Variants in ZFYVE1 observed in about 807,000 individuals in gnomAD.
The protein encoded by ZFYVE1 is zinc finger FYVE domain-containing protein 1.
ZFYVE1 carries 30 observed loss-of-function variants against 74.4 expected under a neutral mutation model. The ratio of observed to expected loss-of-function variants is 0.40; its 90% confidence interval spans 0.30 to 0.55. ZFYVE1 has a LOEUF of 0.55. Ranked by LOEUF, ZFYVE1 falls within the 20% of genes least tolerant of loss-of-function variation. ZFYVE1 has a pLI of 0.42. For missense variants in ZFYVE1, 703 were observed against 1,011.6 expected (o/e 0.69, Z 4.14); for synonymous variants, 335 against 385.1 (o/e 0.87, Z 1.52).
At chr14:72,986,072 T>C (rs1383906385) in intron 4 of ZFYVE1, among the ~76,000 whole-genome samples, 1 of 152,162 alleles carries the variant, frequency 6.6e-6, no homozygotes, top group Non-Finnish European at 1.5e-5. Flanking sequence ...AAATGGGAAA[T>C]TAGGATCCAA....
At chr14:72,982,600 T>C (rs545620843) in intron 4 of ZFYVE1, among the ~76,000 whole-genome samples, 2 of 152,352 alleles carry the variant, frequency 1.3e-5, no homozygotes, top group South Asian at 4.1e-4. Flanking sequence ...ATTGAAAGTA[T>C]TCCTCAGGCT....
rs530377399 is a variant in ZFYVE1, at chr14:73,024,744, TCATCCTCCATA to T, written c.-247_-237del. ...GCAACGTTGATTTGGTTTGATGGTT[TCATCCTCCATA>T]AAGTGCAAGCAAAGATGTGGTCAAA... On this transcript the variant is annotated 5_prime_UTR_variant, in exon 2 of 12. The change abolishes an upstream ATG in the 5' untranslated region. Coordinates refer to ENST00000556143, the MANE Select transcript of ZFYVE1 (RefSeq NM_021260.4). 173 of 529,556 alleles carry T rather than the reference TCATCCTCCATA, an allele frequency of 3.3e-4. No individual in the cohort carries two copies. In the Middle Eastern group the frequency reaches 3.5e-3, roughly 11 times the overall value. 32.8% of individuals were successfully genotyped at this position (529,556 alleles called of 1,614,324 possible).
chr14:73,004,697 G>A (rs149584501), intron 2 of ZFYVE1, among the ~76,000 whole-genome samples: 1 of 152,024 alleles, frequency 6.6e-6, no homozygotes, highest in African/African-American at 2.4e-5. Context: ...CTGCATTTTC[G>A]TCATGTGAAA....
At chr14:73,008,035 T>C (rs185358074) in intron 2 of ZFYVE1, among the ~76,000 whole-genome samples, 2 of 152,346 alleles carry the variant, frequency 1.3e-5, no homozygotes, top group South Asian at 2.1e-4. Flanking sequence ...AAGTGTTCCA[T>C]TACTTGAGAG....
At chr14:73,011,326 C>T (rs1411965598) in intron 2 of ZFYVE1, among the ~76,000 whole-genome samples, 1 of 151,480 alleles carries the variant, frequency 6.6e-6, no homozygotes. Flanking sequence ...TCTCTACTAA[C>T]AATACAAAAA....
At chr14:73,000,366 C>CA in intron 2 of ZFYVE1, among the ~76,000 whole-genome samples, 1 of 151,834 alleles carries the variant, frequency 6.6e-6, no homozygotes. Flanking sequence ...CTTTGGGAGG[C>CA]AAAAAAGAGA....
intron 2 of ZFYVE1, among the ~76,000 whole-genome samples, chr14:73,006,188 G>A (rs1420967514): frequency 6.6e-6 from 1 of 151,842 alleles, no homozygotes; most frequent in Non-Finnish European, 1.5e-5. Context: ...CAAAGTCCTG[G>A]GATTGTAGGC....
intron 4 of ZFYVE1, among the ~76,000 whole-genome samples, chr14:72,989,899 C>T (rs1474952298): frequency 6.6e-6 from 1 of 151,884 alleles, no homozygotes; most frequent in Non-Finnish European, 1.5e-5. Flanking sequence ...ATACCCACCC[C>T]AACTCTTTTA....
chr14:73,003,727 A>G (rs1258182922), intron 2 of ZFYVE1, among the ~76,000 whole-genome samples: 1 of 152,090 alleles, frequency 6.6e-6, no homozygotes, highest in Non-Finnish European at 1.5e-5. Flanking sequence ...AAAAAAGTAA[A>G]CCACTCATTA....
At chr14:72,988,929 CTTTTTTTTTTT>C (rs34464072) in intron 4 of ZFYVE1, among the ~76,000 whole-genome samples, 2 of 118,138 alleles carry the variant, frequency 1.7e-5, no homozygotes, top group Admixed American at 8.9e-5. Flanking sequence ...GCAATTTCTT[CTTTTTTTTTTT>C]TTTTTTTTTG....
chr14:72,992,623 C>CCCT lies in ZFYVE1; in HGVS notation c.1203+519_1203+520insAGG, dbSNP rs1491299630. 1.5e-4 allele frequency among the ~76,000 whole-genome samples: 17 copies of CCCT among 116,802 alleles called. 1 individual carries two copies. The highest frequency in any genetic ancestry group is 6.2e-4 in the African/African-American group (17 of 27,214). 76.6% of individuals were successfully genotyped at this position (116,802 alleles called of 152,430 possible). ...GGAGGTCCCATTCAGGTGCCCCCCC[C>CCCT]GCCCCTTGCAAGAGAGAGAGAGCTG... On this transcript the variant is annotated intron_variant, in intron 4 of 11. Coordinates refer to ENST00000556143, the MANE Select transcript of ZFYVE1 (RefSeq NM_021260.4).
rs35364666 is a variant in ZFYVE1, at chr14:73,006,709, C to CTTTTT, written c.484-8399_484-8395dup. ...ACTCAATGATCCCCCACCCCAGTTC[C>CTTTTT]TTTTTTTTTTTTTTTTTTTTTTTTG... On this transcript the variant is annotated intron_variant, in intron 2 of 11. Coordinates refer to ENST00000556143, the MANE Select transcript of ZFYVE1 (RefSeq NM_021260.4). Among the ~76,000 whole-genome samples, 26 of 77,680 alleles carry CTTTTT rather than the reference C, an allele frequency of 3.3e-4. 1 individual carries two copies. The highest frequency in any genetic ancestry group is 5.2e-4 in the Admixed American group (3 of 5,744). The allele number at this position is 77,680 out of a possible 152,430, so 51.0% of individuals were successfully genotyped here.
intron 5 of ZFYVE1, among the ~76,000 whole-genome samples, chr14:72,981,029 G>A (rs1893316829): frequency 6.6e-6 from 1 of 152,136 alleles, no homozygotes; most frequent in African/African-American, 2.4e-5. Flanking sequence ...CAAACCAAAG[G>A]CACAGCCATT....
chr14:73,015,033 C>T (rs966067413), intron 2 of ZFYVE1, among the ~76,000 whole-genome samples: 2 of 151,868 alleles, frequency 1.3e-5, no homozygotes, highest in Middle Eastern at 3.4e-3. Context: ...GAGTTTGAGA[C>T]CAGCCTGGTC....
chr14:72,994,013 CAAA>C (rs59059738), intron 3 of ZFYVE1, among the ~76,000 whole-genome samples: 2 of 56,900 alleles, frequency 3.5e-5, no homozygotes, highest in African/African-American at 5.9e-5. Flanking sequence ...GATTCCGTCT[CAAA>C]AAAAAAAAAA....
chr14:72,979,585 C>T (rs1434988262), intron 5 of ZFYVE1, among the ~76,000 whole-genome samples: 1 of 150,766 alleles, frequency 6.6e-6, no homozygotes, highest in Non-Finnish European at 1.5e-5. Flanking sequence ...ATCCAGGAGG[C>T]GGAGGTTGCA....
chr14:73,018,006 C>T (rs1894236027), intron 2 of ZFYVE1, among the ~76,000 whole-genome samples: 1 of 152,216 alleles, frequency 6.6e-6, no homozygotes, highest in African/African-American at 2.4e-5. Context: ...CATTCTCTGC[C>T]AGCTCACTCC....
Position 72,980,552 on chromosome 14 carries a change from T to TATTTATTTATTC in ZFYVE1, c.1310+1236_1310+1237insGAATAAATAAAT. On this transcript the variant is annotated intron_variant, in intron 5 of 11. Coordinates refer to ENST00000556143, the MANE Select transcript of ZFYVE1 (RefSeq NM_021260.4). Reference sequence around the variant, plus strand: ...GAATTAATTAATTTATTTATTTATTTATTTATTTATTTATTTATTTATTTA... The same window carrying TATTTATTTATTC: ...GAATTAATTAATTTATTTATTTATTTATTTATTTATTCATTTATTTATTTATTTATTTATTTA... Among the ~76,000 whole-genome samples the TATTTATTTATTC allele has an allele frequency of 1.7e-5, 2 of 118,052 alleles. 1 individual carries two copies. Among genetic ancestry groups the TATTTATTTATTC allele is most frequent in the Middle Eastern group, 6.9e-3 (2 of 288 alleles). 77.4% of individuals were successfully genotyped at this position (118,052 alleles called of 152,430 possible). A position where few individuals can be genotyped will look rare whatever the true frequency, so the allele number is the denominator to read the frequency against.
chr14:72,998,271 A>G lies in ZFYVE1; in HGVS notation c.528T>C (p.Pro176=). ...TGGAAACCACTTTCAGATGCTGATC[A>G]GGTTTGCAGTCCAATTTTCTAATAA... ...EDFIRKLDCK[P]DQHLKVVSIF... is the part of the protein sequence containing the mutation. Residue 176 remains proline (P), a synonymous_variant, in exon 3 of 12, where the codon CCT becomes CCC. Coordinates refer to ENST00000556143, the MANE Select transcript of ZFYVE1 (RefSeq NM_021260.4). 6.4e-7 allele frequency: 1 copy of G among 1,557,748 alleles called. No homozygotes were observed. Among genetic ancestry groups the G allele is most frequent in the East Asian group, 2.3e-5 (1 of 42,968 alleles).
Sources: allele counts gnomAD v4.1 joint callset (sites outside exome capture counted in the v4.1 genomes callset), GRCh38; gene constraint gnomAD v4.1.1; transcripts MANE v1.5; gene names NCBI Gene and HGNC (gene_info 2026-07-23, HGNC 2026-07-21).